KDM4C: variants seen among roughly 807,000 people sequenced by gnomAD.
KDM4C encodes lysine-specific demethylase 4C.
A neutral mutation model predicts 129.3 loss-of-function variants in KDM4C; 81 were observed. The ratio of observed to expected loss-of-function variants is 0.63; its 90% CI spans 0.52 to 0.75. KDM4C has a LOEUF of 0.75. KDM4C is among the 30% of genes least tolerant of loss of function. KDM4C has a pLI of 0.00. For synonymous variants in KDM4C, 573 were observed against 456.1 expected (o/e 1.26, Z -3.26); for missense variants, 1,457 against 1,304.0 (o/e 1.12, Z -1.81).
rs747554000 is a variant in KDM4C at position 6,990,511 on chromosome 9, G to A, written c.1773G>A (p.Ala591=). 20 of 1,607,898 alleles carry A rather than the reference G, an allele frequency of 1.2e-5. No individual in the cohort carries two copies. The highest frequency in any genetic ancestry group is 4.0e-5 in the African/African-American group (3 of 74,292). The part of the protein sequence containing the change: ...RSPMTLVKQQ[A]PSDEELPEVL... ...CGATGACTCTTGTGAAGCAGCAGGC[G>A]CCAAGTGATGAAGGTGAGATGGTGA... The change falls in exon 12 of 22, where the codon GCG becomes GCA. Residue 591 remains alanine, a synonymous_variant. Coordinates refer to ENST00000381309, the MANE Select transcript of KDM4C (RefSeq NM_015061.6).
At chr9:6,955,892 A>C (rs563180583) in intron 8 of KDM4C, among the ~76,000 whole-genome samples, 1 of 152,214 alleles carries the variant, frequency 6.6e-6, no homozygotes, top group African/African-American at 2.4e-5. Context: ...TTATAATGCT[A>C]GTAAAAGAGC....
intron 8 of KDM4C, among the ~76,000 whole-genome samples, chr9:6,927,865 T>C (rs1284663156): frequency 4.6e-5 from 7 of 152,350 alleles, no homozygotes; most frequent in African/African-American, 1.7e-4. Flanking sequence ...TTGATCTGGC[T>C]GTTCCACTGA....
intron 4 of KDM4C, among the ~76,000 whole-genome samples, chr9:6,846,843 T>C (rs1837935556): frequency 6.6e-6 from 1 of 152,174 alleles, no homozygotes. Flanking sequence ...AATTTTATTT[T>C]ATTAAAGTTT....
intron 2 of KDM4C, among the ~76,000 whole-genome samples, chr9:6,801,055 A>G (rs998344959): frequency 2.6e-4 from 39 of 151,702 alleles, no homozygotes; most frequent in Middle Eastern, 3.4e-3. Flanking sequence ...TGAGCTAACA[A>G]CTCTCACTTA....
chr9:7,050,655 CT>C (rs1389041536), intron 17 of KDM4C, among the ~76,000 whole-genome samples: 1 of 151,852 alleles, frequency 6.6e-6, no homozygotes, highest in East Asian at 1.9e-4. Context: ...TTAAAATCAC[CT>C]TTGTTTCTGT....
intron 4 of KDM4C, among the ~76,000 whole-genome samples, chr9:6,829,439 G>C (rs1250666443): frequency 6.6e-6 from 1 of 152,202 alleles, no homozygotes; most frequent in African/African-American, 2.4e-5. Flanking sequence ...GAAACTCAGA[G>C]GTGAAAAGTG....
At chr9:7,146,224 A>T (rs555709599) in intron 19 of KDM4C, among the ~76,000 whole-genome samples, 1 of 152,254 alleles carries the variant, frequency 6.6e-6, no homozygotes, top group Non-Finnish European at 1.5e-5. Context: ...AAGGAAATAC[A>T]TCAAAATGTT....
chr9:7,158,886 T>C (rs1377120128), intron 19 of KDM4C, among the ~76,000 whole-genome samples: 1 of 152,210 alleles, frequency 6.6e-6, no homozygotes, highest in Non-Finnish European at 1.5e-5. Context: ...GTTCAAGTCC[T>C]GGATATCCTT....
chr9:7,058,314 C>G (rs1831157040), intron 17 of KDM4C, among the ~76,000 whole-genome samples: 1 of 152,076 alleles, frequency 6.6e-6, no homozygotes, highest in Non-Finnish European at 1.5e-5. Context: ...TTTAGACTAA[C>G]GATGCAAGTG....
rs779606475 is a variant in KDM4C at position 6,888,781 on chromosome 9, GTTTT to G, written c.783+739_783+742del. Among the ~76,000 whole-genome samples, 334 of 115,020 alleles carry G rather than the reference GTTTT, an allele frequency of 2.9e-3. 19 individuals are homozygous for G. The highest frequency in any genetic ancestry group is 5.5e-3 in the Non-Finnish European group (302 of 54,562). The allele number at this position is 115,020 out of a possible 152,430, so 75.5% of individuals were successfully genotyped here. ...AAAAAATAGCTCTTCCTTCTTCTGT[GTTTT>G]TTTTTTTTTTTTTTTTTTTTGAGAC... On this transcript the variant is annotated intron_variant, in intron 7 of 21. Transcript: ENST00000381309.
At chr9:6,834,473 T>G (rs1266839597) in intron 4 of KDM4C, 1 of 558,124 alleles carries the variant, frequency 1.8e-6, no homozygotes, top group Non-Finnish European at 3.4e-6. Flanking sequence ...ATGATATTGC[T>G]ACGCCCGTCG....
chr9:6,790,492 G>A (rs1445535320), intron 1 of KDM4C, among the ~76,000 whole-genome samples: 3 of 150,000 alleles, frequency 2.0e-5, no homozygotes, highest in Non-Finnish European at 4.4e-5. Context: ...GACCTCAACT[G>A]ATCCGCCCGC....
intron 1 of KDM4C, among the ~76,000 whole-genome samples, chr9:6,742,129 T>C (rs1213982738): frequency 1.3e-5 from 2 of 150,404 alleles, no homozygotes; most frequent in South Asian, 2.1e-4. Context: ...TGTGCCACCA[T>C]GCCTGGCTAA....
intron 8 of KDM4C, among the ~76,000 whole-genome samples, chr9:6,896,258 A>G (rs1816413785): frequency 6.6e-6 from 1 of 152,208 alleles, no homozygotes; most frequent in Non-Finnish European, 1.5e-5. Flanking sequence ...GTGATTATGA[A>G]CAATACTTTT....
At chr9:6,782,664 CA>C (rs1224473755) in intron 1 of KDM4C, among the ~76,000 whole-genome samples, 3 of 151,922 alleles carry the variant, frequency 2.0e-5, no homozygotes, top group African/African-American at 7.3e-5. Flanking sequence ...TTCAAGTGGG[CA>C]AAAGGGGTCT....
intron 17 of KDM4C, among the ~76,000 whole-genome samples, chr9:7,077,930 C>G (rs1041841124): frequency 6.6e-5 from 10 of 152,330 alleles, no homozygotes; most frequent in African/African-American, 2.2e-4. Flanking sequence ...TATTTAGGCT[C>G]TGGGATCAAA....
chr9:7,091,189 A>T (rs1450525204), intron 17 of KDM4C, among the ~76,000 whole-genome samples: 4 of 152,192 alleles, frequency 2.6e-5, no homozygotes, highest in Non-Finnish European at 5.9e-5. Flanking sequence ...TTTCAATGGA[A>T]ACTTTCTTTT....
chr9:6,938,929 C>G (rs933794046), intron 8 of KDM4C, among the ~76,000 whole-genome samples: 2 of 152,136 alleles, frequency 1.3e-5, no homozygotes. Flanking sequence ...ACCTGTTACT[C>G]AAAGCAACAT....
At chr9:6,829,186 C>G (rs1296058192) in intron 4 of KDM4C, among the ~76,000 whole-genome samples, 1 of 152,156 alleles carries the variant, frequency 6.6e-6, no homozygotes, top group Non-Finnish European at 1.5e-5. Flanking sequence ...GGCATGAATA[C>G]TACACACAGT....
Sources: allele counts gnomAD v4.1 joint callset (sites outside exome capture counted in the v4.1 genomes callset), GRCh38; gene constraint gnomAD v4.1.1; transcripts MANE v1.5; gene names NCBI Gene and HGNC (gene_info 2026-07-23, HGNC 2026-07-21).